Variants in PCNX1 observed in about 807,000 individuals in gnomAD.
PCNX1 encodes the protein pecanex-like protein 1.
A neutral mutation model predicts 242.2 loss-of-function variants in PCNX1; 78 were observed. The observed-to-expected ratio is 0.32, with a 90% CI of 0.27 to 0.39. The LOEUF (loss-of-function observed/expected upper bound fraction) is 0.39. Among genes scored for constraint, PCNX1 ranks in the 10% least tolerant of loss-of-function variants. PCNX1 has a pLI of 1.00. For missense variants in PCNX1, 2,581 were observed against 2,856.5 expected (o/e 0.90, Z 2.20); for synonymous variants, 1,024 against 1,032.9 (o/e 0.99, Z 0.17).
chr14:71,099,895 C>T (rs2141804272), intron 30 of PCNX1, among the ~76,000 whole-genome samples: 1 of 152,220 alleles, frequency 6.6e-6, no homozygotes, highest in South Asian at 2.1e-4. Flanking sequence ...GTGACCCCTG[C>T]TCTTTTTGTT....
At position 71,098,553 on chromosome 14, in the gene PCNX1, T is replaced by TGTGAGA. The variant is rs60367565; in HGVS notation, c.5590-3436_5590-3435insTGAGAG. On this transcript the variant is annotated intron_variant, in intron 30 of 35. Transcript: ENST00000304743. ...GTGTGTGTGTGTGTGTGTGTGTGTG[T>TGTGAGA]GAGAGAGAGAGAGAGAACATTGTAG... Among the ~76,000 whole-genome samples, 1,052 of 125,672 alleles carry TGTGAGA rather than the reference T, an allele frequency of 8.4e-3. 4 individuals are homozygous for TGTGAGA. Among genetic ancestry groups the TGTGAGA allele is most frequent in the Middle Eastern group, 0.041 (10 of 244 alleles). 82.4% of individuals were successfully genotyped at this position (125,672 alleles called of 152,430 possible). A position where few individuals can be genotyped will look rare whatever the true frequency, so the allele number is the denominator to read the frequency against.
intron 28 of PCNX1, among the ~76,000 whole-genome samples, chr14:71,081,127 CAT>C (rs376815484): frequency 0.095 from 14,417 of 152,108 alleles, 905 homozygotes; most frequent in Admixed American, 0.2. Context: ...TTGAGATAAT[CAT>C]GTGGTTTTTG....
chr14:70,934,990 A>G (rs2056944001), intron 1 of PCNX1, among the ~76,000 whole-genome samples: 1 of 77,638 alleles, frequency 1.3e-5, no homozygotes, highest in African/African-American at 4.6e-5. Flanking sequence ...AAGTCACCAG[A>G]CAGACCGGTG....
Position 71,109,549 on chromosome 14 carries a change from A to G in PCNX1, c.6842A>G (p.Asn2281Ser), listed in dbSNP as rs1185865274. ...GGAATCCGGTTAAAAGCTGGGAGAA[A>G]TAGCTGGAAAGACTGGAGTCCGCAG... is the stretch of plus-strand genomic sequence containing the variant. ...DEGIRLKAGRNSWKDWSPQEG... is the reference protein window; with the variant it reads ...DEGIRLKAGRSSWKDWSPQEG... Residue 2281 changes from asparagine (N) to serine (S), a missense_variant, in exon 35 of 36, where the codon AAT becomes AGT. Physicochemically the swap from Asn to Ser is conservative, Grantham distance 46. Coordinates refer to ENST00000304743, the MANE Select transcript of PCNX1 (RefSeq NM_014982.3). The G allele has an allele frequency of 1.9e-6, 3 of 1,614,184 alleles. No homozygotes were observed. The highest frequency in any genetic ancestry group is 3.3e-5 in the Admixed American group (2 of 60,024).
intron 34 of PCNX1, among the ~76,000 whole-genome samples, chr14:71,109,247 T>C (rs904174917): frequency 9.9e-5 from 15 of 152,238 alleles, no homozygotes; most frequent in African/African-American, 3.6e-4. Flanking sequence ...ATGTTCCTTG[T>C]TCAGCCACTG....
At chr14:70,985,846 C>T (rs1363802487) in intron 6 of PCNX1, among the ~76,000 whole-genome samples, 1 of 152,096 alleles carries the variant, frequency 6.6e-6, no homozygotes, top group East Asian at 1.9e-4. Context: ...ATGTCAACTC[C>T]AAAAACAGTT....
intron 11 of PCNX1, among the ~76,000 whole-genome samples, chr14:71,014,497 A>G (rs997182955): frequency 1.3e-4 from 20 of 152,322 alleles, no homozygotes; most frequent in East Asian, 1.9e-4. Flanking sequence ...TGCTTTCCCT[A>G]TGTTTAAAAA....
chr14:71,035,055 A>C (rs900464229), intron 18 of PCNX1, among the ~76,000 whole-genome samples: 1 of 152,156 alleles, frequency 6.6e-6, no homozygotes, highest in African/African-American at 2.4e-5. Context: ...ACCCCTATAA[A>C]TGACACCGTG....
At chr14:71,053,223 C>A in intron 24 of PCNX1, 1 of 450,798 alleles carries the variant, frequency 2.2e-6, no homozygotes, top group Non-Finnish European at 4.4e-6. Context: ...GGCTGCAGTT[C>A]TTAACTTTTT....
chr14:71,073,807 A>ATG lies in PCNX1; in HGVS notation c.5106+12_5106+13dup. On this transcript the variant is annotated intron_variant, in intron 27 of 35. Coordinates refer to ENST00000304743, the MANE Select transcript of PCNX1 (RefSeq NM_014982.3). ...CCACTTACTATGTCAAGGTAGGAGTATGTGCCTACTTAGATCTTTAGATAA... is the reference window on the plus strand; with the variant it reads ...CCACTTACTATGTCAAGGTAGGAGTATGTGTGCCTACTTAGATCTTTAGATAA... 1 of 1,581,012 alleles carries ATG rather than the reference A, an allele frequency of 6.3e-7. No individual in the cohort carries two copies.
rs568363260 is a variant in PCNX1, at chr14:71,086,928, GT to G, written c.5338-1399del. Among the ~76,000 whole-genome samples, 174 of 152,116 alleles carry G rather than the reference GT, an allele frequency of 1.1e-3. 1 individual carries two copies. Among genetic ancestry groups the G allele is most frequent in the Admixed American group, 3.4e-3 (52 of 15,272 alleles). On this transcript the variant is annotated intron_variant, in intron 28 of 35. Coordinates refer to ENST00000304743, the MANE Select transcript of PCNX1 (RefSeq NM_014982.3). ...CATGTATTCTGCCCAGTCTTTGGCT[GT>G]TTCAGCTAGGGGGGTAAATATGGTC...
At chr14:70,971,692 T>C (rs1205222243) in intron 5 of PCNX1, among the ~76,000 whole-genome samples, 2 of 152,110 alleles carry the variant, frequency 1.3e-5, no homozygotes, top group Non-Finnish European at 1.5e-5. Context: ...ATTTTAATTT[T>C]AAATAGAGTA....
intron 8 of PCNX1, among the ~76,000 whole-genome samples, chr14:70,997,068 A>G (rs2059374960): frequency 6.6e-6 from 1 of 152,140 alleles, no homozygotes; most frequent in African/African-American, 2.4e-5. Flanking sequence ...TTAAATTTGG[A>G]ATGCTTTTGC....
intron 13 of PCNX1, among the ~76,000 whole-genome samples, chr14:71,024,501 T>A (rs2060187043): frequency 6.6e-6 from 1 of 151,948 alleles, no homozygotes; most frequent in African/African-American, 2.4e-5. Context: ...GTTTTTTCTT[T>A]AAAAAAATTT....
chr14:71,038,703 C>T (rs1364752089), intron 19 of PCNX1, among the ~76,000 whole-genome samples: 1 of 151,826 alleles, frequency 6.6e-6, no homozygotes, highest in African/African-American at 2.4e-5. Flanking sequence ...ACCATTTGAC[C>T]CAGCCATTCC....
rs2062740059 is a variant in PCNX1 at position 71,110,792 on chromosome 14, T to G, written c.*857T>G. On this transcript the variant is annotated 3_prime_UTR_variant, in exon 36 of 36. Transcript: ENST00000304743. Reference sequence around the variant, plus strand: ...TTGTGAACACCACTGCCAGCTCCTGTGTCTACATCTCAGAGGAGCCCATGT... The same window carrying G: ...TTGTGAACACCACTGCCAGCTCCTGGGTCTACATCTCAGAGGAGCCCATGT... 6.5e-6 allele frequency: 1 copy of G among 152,732 alleles called. No homozygotes were observed. Among genetic ancestry groups the G allele is most frequent in the African/African-American group, 2.4e-5 (1 of 41,462 alleles). 9.5% of individuals were successfully genotyped at this position (152,732 alleles called of 1,614,324 possible).
intron 13 of PCNX1, 147 bp downstream of exon 13, chr14:71,023,379 C>G (rs1288680779): frequency 3.1e-6 from 2 of 643,660 alleles, no homozygotes; most frequent in African/African-American, 1.8e-5. Context: ...TATGTTTTGA[C>G]ACACTACTAG....
intron 11 of PCNX1, among the ~76,000 whole-genome samples, chr14:71,016,032 A>G (rs2059955019): frequency 6.6e-6 from 1 of 152,210 alleles, no homozygotes; most frequent in South Asian, 2.1e-4. Flanking sequence ...CTACCAAAAT[A>G]AAATAAAAAC....
At chr14:70,936,526 A>G (rs1176536345) in intron 1 of PCNX1, among the ~76,000 whole-genome samples, 3 of 152,162 alleles carry the variant, frequency 2.0e-5, no homozygotes, top group Admixed American at 6.5e-5. Flanking sequence ...AATCCAGTCT[A>G]TCATTGATGG....
Sources: gnomAD v4.1 joint callset for allele counts (sites outside exome capture counted in the v4.1 genomes callset) on GRCh38, gnomAD v4.1.1 for gene constraint, MANE v1.5 for transcripts, NCBI Gene and HGNC (gene_info 2026-07-23, HGNC 2026-07-21) for gene names.